Variants in NEBL observed in about 807,000 individuals in gnomAD.
The protein encoded by NEBL is LIM and SH3 protein 2.
Under a neutral mutation model 140.2 loss-of-function variants are expected in NEBL, and 122 were observed. That is an observed-to-expected ratio of 0.87 (90% CI 0.75 to 1.01). The LOEUF (loss-of-function observed/expected upper bound fraction) is 1.01, where lower values mean the gene tolerates loss of function less well. NEBL is among the 50% of genes least tolerant of loss of function. The probability of loss-of-function intolerance (pLI) is 0.00; values close to 1 mark genes in which losing one functional copy is unlikely to be tolerated. For synonymous variants in NEBL, 436 were observed against 398.9 expected (o/e 1.09, Z -1.11); for missense variants, 1,365 against 1,231.3 (o/e 1.11, Z -1.62).
chr10:20,828,005 G>A (rs748283409), intron 17 of NEBL, among the ~76,000 whole-genome samples: 12 of 151,586 alleles, frequency 7.9e-5, no homozygotes, highest in East Asian at 3.9e-4. Context: ...CAAAATAATC[G>A]TACAACAAAC....
intron 3 of NEBL, among the ~76,000 whole-genome samples, chr10:20,996,060 C>T (rs780304368): frequency 6.6e-6 from 1 of 152,172 alleles, no homozygotes; most frequent in Non-Finnish European, 1.5e-5. Flanking sequence ...TAGAGAACAG[C>T]GCGTTCTGGC....
intron 4 of NEBL, among the ~76,000 whole-genome samples, chr10:20,961,408 C>T (rs957236585): frequency 3.3e-5 from 5 of 151,976 alleles, no homozygotes; most frequent in African/African-American, 9.7e-5. Flanking sequence ...TTATAAAAGG[C>T]CTATTTTGGA....
At chr10:21,024,651 C>A (rs755809803) in intron 2 of NEBL, among the ~76,000 whole-genome samples, 2 of 151,964 alleles carry the variant, frequency 1.3e-5, no homozygotes, top group Non-Finnish European at 2.9e-5. Context: ...ATTACAATAT[C>A]TGTAGGAACC....
chr10:20,822,134 T>C (rs1839379706), intron 19 of NEBL, among the ~76,000 whole-genome samples: 1 of 152,160 alleles, frequency 6.6e-6, no homozygotes, highest in Non-Finnish European at 1.5e-5. Context: ...TAACAGTTAT[T>C]GTAATGGAAC....
chr10:20,863,304 C>T (rs954616347), intron 7 of NEBL, among the ~76,000 whole-genome samples: 5 of 152,098 alleles, frequency 3.3e-5, no homozygotes, highest in African/African-American at 4.8e-5. Context: ...AAAAAGCCAG[C>T]AAAGGCACAA....
intron 3 of NEBL, among the ~76,000 whole-genome samples, chr10:21,196,224 G>A (rs541874892): frequency 2.0e-4 from 31 of 152,058 alleles, no homozygotes; most frequent in South Asian, 4.2e-4. Context: ...GGCTGGTCTC[G>A]AACTCCTGAC....
At chr10:21,036,063 C>G (rs148675827) in intron 2 of NEBL, among the ~76,000 whole-genome samples, 101 of 151,942 alleles carry the variant, frequency 6.6e-4, no homozygotes, top group Admixed American at 1.8e-3. Flanking sequence ...CTCAGGGAGC[C>G]GAGGCAGGAG....
intron 4 of NEBL, among the ~76,000 whole-genome samples, chr10:20,957,648 G>A (rs982106695): frequency 1.3e-5 from 2 of 151,950 alleles, no homozygotes; most frequent in Non-Finnish European, 2.9e-5. Context: ...ACAGATATAC[G>A]CACACACAGA....
intron 2 of NEBL, among the ~76,000 whole-genome samples, chr10:21,090,864 A>G (rs1037683148): frequency 1.3e-5 from 2 of 152,144 alleles, no homozygotes; most frequent in African/African-American, 4.8e-5. Flanking sequence ...TTAGAAACAC[A>G]TCTCCAACCC....
At chr10:21,198,100 C>T (rs1482520323) in intron 3 of NEBL, among the ~76,000 whole-genome samples, 3 of 152,148 alleles carry the variant, frequency 2.0e-5, no homozygotes, top group Non-Finnish European at 2.9e-5. Context: ...GGTCATGTAA[C>T]GTCTGTAGCA....
At chr10:21,290,847 C>A (rs544905762) in intron 1 of NEBL, among the ~76,000 whole-genome samples, 1 of 152,198 alleles carries the variant, frequency 6.6e-6, no homozygotes, top group Non-Finnish European at 1.5e-5. Context: ...TAGGCCTCAA[C>A]CATCTGATCC....
intron 2 of NEBL, among the ~76,000 whole-genome samples, chr10:21,156,914 C>A (rs1840357715): frequency 6.6e-6 from 1 of 152,102 alleles, no homozygotes; most frequent in African/African-American, 2.4e-5. Context: ...AGAACTATGT[C>A]ATTTTCTATA....
intron 1 of NEBL, among the ~76,000 whole-genome samples, chr10:21,270,466 A>T (rs978943219): frequency 6.6e-6 from 1 of 151,640 alleles, no homozygotes; most frequent in African/African-American, 2.4e-5. Flanking sequence ...TCCTGAGTTC[A>T]AGTGATTCTC....
intron 2 of NEBL, among the ~76,000 whole-genome samples, chr10:21,069,499 G>A (rs1287577850): frequency 2.0e-5 from 3 of 152,118 alleles, no homozygotes; most frequent in Non-Finnish European, 4.4e-5. Context: ...ACACCACAGC[G>A]CCCGCCAGGA....
chr10:20,796,993 A>G (rs1244475054), intron 26 of NEBL, among the ~76,000 whole-genome samples: 1 of 152,214 alleles, frequency 6.6e-6, no homozygotes, highest in African/African-American at 2.4e-5. Flanking sequence ...TCCTGATAAG[A>G]ACTACGTAAT....
In NEBL at chr10:20,781,532, A is replaced by G. The variant is rs760909990; in HGVS notation, c.*4215T>C. On this transcript the variant is annotated 3_prime_UTR_variant, in exon 28 of 28. Transcript: ENST00000377122. ...TCCTTTAAAGTACATCATTCTTAAC[A>G]GCAACTGGATTACAAAGAAGTGATA... 50 of 152,332 alleles carry G rather than the reference A, an allele frequency of 3.3e-4. No individual in the cohort carries two copies. Among genetic ancestry groups the G allele is most frequent in the Non-Finnish European group, 4.6e-4 (31 of 68,022 alleles). The allele number at this position is 152,332 out of a possible 1,614,324, so 9.4% of individuals were successfully genotyped here.
At chr10:21,082,569 A>G (rs1836428534) in intron 2 of NEBL, among the ~76,000 whole-genome samples, 1 of 150,056 alleles carries the variant, frequency 6.7e-6, no homozygotes, top group South Asian at 2.1e-4. Context: ...AAAAAAATTA[A>G]GACTGTGTAG....
chr10:21,245,543 T>C (rs1460995066), intron 3 of NEBL, among the ~76,000 whole-genome samples: 2 of 152,160 alleles, frequency 1.3e-5, no homozygotes, highest in African/African-American at 2.4e-5. Context: ...GTTGTTGTTG[T>C]TGTTTTGAGA....
At chr10:21,088,385 G>A (rs1181753991) in intron 2 of NEBL, among the ~76,000 whole-genome samples, 1 of 152,088 alleles carries the variant, frequency 6.6e-6, no homozygotes, top group Non-Finnish European at 1.5e-5. Context: ...TACGCAGGAG[G>A]CTGAGGCAGG....
Sources: gnomAD v4.1 joint callset for allele counts (sites outside exome capture counted in the v4.1 genomes callset) on GRCh38, gnomAD v4.1.1 for gene constraint, MANE v1.5 for transcripts, NCBI Gene and HGNC (gene_info 2026-07-23, HGNC 2026-07-21) for gene names.